NUP107: variants seen among roughly 807,000 people sequenced by gnomAD.
NUP107 encodes the protein nuclear pore complex protein Nup107.
A neutral mutation model predicts 141.0 loss-of-function variants in NUP107; 101 were observed. That is an observed-to-expected ratio of 0.72 (90% CI 0.61 to 0.84). The LOEUF is 0.84. Ranked by LOEUF, NUP107 falls within the 40% of genes least tolerant of loss-of-function variation. The probability of loss-of-function intolerance (pLI) is 0.00; values close to 1 mark genes in which losing one functional copy is unlikely to be tolerated. For missense variants in NUP107, 941 were observed against 1,102.7 expected, an observed-to-expected ratio of 0.85 and a Z score of 2.08; for synonymous variants, 319 against 363.9, an observed-to-expected ratio of 0.88 and a Z score of 1.41.
intron 25 of NUP107, 107 bp downstream of exon 25, chr12:68,734,940 A>T: frequency 8.1e-7 from 1 of 1,231,118 alleles, no homozygotes; most frequent in South Asian, 1.5e-5. Context: ...ATAACAGGTA[A>T]TCTCCCTGTT....
At chr12:68,727,047 T>G (rs1877597298) in intron 19 of NUP107, among the ~76,000 whole-genome samples, 1 of 152,112 alleles carries the variant, frequency 6.6e-6, no homozygotes, top group Non-Finnish European at 1.5e-5. Context: ...GGAGTAGGAG[T>G]CCTGAGTATA....
intron 10 of NUP107, among the ~76,000 whole-genome samples, chr12:68,711,385 CAGAA>C (rs1249917671): frequency 6.7e-6 from 1 of 150,356 alleles, no homozygotes; most frequent in Non-Finnish European, 1.5e-5. Context: ...AAAAGTAACT[CAGAA>C]GGGAGATTGT....
In NUP107 at chr12:68,741,947, T is replaced by C. The variant is rs780187698; in HGVS notation, c.2637T>C (p.Asp879=). The change falls in exon 27 of 28, where the codon GAT becomes GAC. Residue 879 remains aspartate, a synonymous_variant. Transcript: ENST00000229179. ...GQYQECLQLA[D]MVSSERHKLY... Reference sequence around the variant, plus strand: ...ATCAGGAATGCCTACAGTTAGCAGATATGGTATCCTCTGAGCGCCACAAAC... The same window carrying C: ...ATCAGGAATGCCTACAGTTAGCAGACATGGTATCCTCTGAGCGCCACAAAC... 1.2e-6 allele frequency: 2 copies of C among 1,612,100 alleles called. No homozygotes were observed. The highest frequency in any genetic ancestry group is 1.7e-6 in the Non-Finnish European group (2 of 1,178,986).
intron 5 of NUP107, among the ~76,000 whole-genome samples, chr12:68,695,911 G>A (rs974156142): frequency 2.0e-5 from 3 of 151,848 alleles, no homozygotes; most frequent in African/African-American, 7.3e-5. Context: ...GGAGGCTGAG[G>A]TGGGAGGATC....
intron 26 of NUP107, among the ~76,000 whole-genome samples, chr12:68,741,440 C>T (rs1461117893): frequency 1.3e-5 from 2 of 152,174 alleles, no homozygotes; most frequent in Admixed American, 6.5e-5. Context: ...TTCCCAGCAA[C>T]AGTCATTGCT....
chr12:68,737,531 A>C (rs1030846009), intron 26 of NUP107, among the ~76,000 whole-genome samples: 1 of 144,520 alleles, frequency 6.9e-6, no homozygotes. Context: ...ACTGCACTTC[A>C]GCCTAGGTGA....
Position 68,687,001 on chromosome 12 carries a change from G to A in NUP107, c.-65G>A. The A allele has an allele frequency of 1.2e-6, 2 of 1,610,410 alleles. No homozygotes were observed. Among genetic ancestry groups the A allele is most frequent in the Non-Finnish European group, 1.7e-6 (2 of 1,176,678 alleles). On this transcript the variant is annotated 5_prime_UTR_variant, in exon 1 of 28. Coordinates refer to ENST00000229179, the MANE Select transcript of NUP107 (RefSeq NM_020401.4). Reference sequence around the variant, plus strand: ...TCGAAGGGCTTGCTTCCGGAGAGCGGGAAGGCTAAAACGCGGTAGCTAAAC... The same window carrying A: ...TCGAAGGGCTTGCTTCCGGAGAGCGAGAAGGCTAAAACGCGGTAGCTAAAC...
In NUP107 at chr12:68,687,008, T is replaced by C; in HGVS notation, c.-58T>C. On this transcript the variant is annotated 5_prime_UTR_variant, in exon 1 of 28. Transcript: ENST00000229179. ...GCTTGCTTCCGGAGAGCGGGAAGGC[T>C]AAAACGCGGTAGCTAAACTGCAGCC... 1 of 1,613,434 alleles carries C rather than the reference T, an allele frequency of 6.2e-7. No individual in the cohort carries two copies. Among genetic ancestry groups the C allele is most frequent in the Non-Finnish European group, 8.5e-7 (1 of 1,179,338 alleles).
chr12:68,726,461 T>C (rs1338079729), intron 18 of NUP107, 38 bp from the exon 19 acceptor site: 1 of 1,302,520 alleles, frequency 7.7e-7, no homozygotes, highest in East Asian at 2.3e-5. Flanking sequence ...CTTTTGATTT[T>C]ATTCCTATTG....
rs189283435 is a variant in NUP107, at chr12:68,729,449, T to C, written c.1735-1661T>C. Among the ~76,000 whole-genome samples, 944 of 152,064 alleles carry C rather than the reference T, an allele frequency of 6.2e-3. 8 individuals carry two copies. Among genetic ancestry groups the C allele is most frequent in the Middle Eastern group, 0.024 (7 of 294 alleles). On this transcript the variant is annotated intron_variant, in intron 20 of 27. Transcript: ENST00000229179. Reference sequence around the variant, plus strand: ...ACCTTTTTTTTTATTTTTTATTTTTTTTTTTGAGATGGAGTCTCACTTTGA... The same window carrying C: ...ACCTTTTTTTTTATTTTTTATTTTTCTTTTTGAGATGGAGTCTCACTTTGA...
chr12:68,732,883 A>T, intron 23 of NUP107, 144 bp downstream of exon 23: 1 of 484,264 alleles, frequency 2.1e-6, no homozygotes, highest in Non-Finnish European at 3.7e-6. Context: ...GGGTCTCACT[A>T]TGTTGCCTAG....
intron 1 of NUP107, 152 bp downstream of exon 1, chr12:68,687,225 A>C: frequency 1.8e-6 from 2 of 1,118,562 alleles, no homozygotes; most frequent in Non-Finnish European, 2.6e-6. Context: ...ATTTGGCCAC[A>C]AATGGGGAAA....
At chr12:68,694,795 G>T (rs1215382218) in intron 5 of NUP107, among the ~76,000 whole-genome samples, 1 of 152,184 alleles carries the variant, frequency 6.6e-6, no homozygotes, top group Non-Finnish European at 1.5e-5. Flanking sequence ...CAGCTACTCG[G>T]GAGACTGAGG....
At chr12:68,704,549 G>A (rs536015487) in intron 8 of NUP107, among the ~76,000 whole-genome samples, 3 of 151,680 alleles carry the variant, frequency 2.0e-5, no homozygotes, top group South Asian at 2.1e-4. Context: ...CACCTCCCGG[G>A]TTCAAGCGAT....
intron 10 of NUP107, 112 bp downstream of exon 10, chr12:68,710,205 C>A: frequency 1.7e-6 from 1 of 585,726 alleles, no homozygotes. Context: ...GTTCACACTA[C>A]TTTGTTTGGT....
chr12:68,692,811 G>A (rs1875874970), intron 5 of NUP107, among the ~76,000 whole-genome samples: 1 of 148,738 alleles, frequency 6.7e-6, no homozygotes, highest in African/African-American at 2.5e-5. Flanking sequence ...GTGGAGTGAT[G>A]GGATCTTGGT....
rs765263375 is a variant in NUP107 at position 68,731,278 on chromosome 12, CTT to C, written c.1885+20_1885+21del. ...AGAAGCAGGTAAAAATGGTTGAAAACTTTGTCTTTTGGCCTTTCTAGGCAAAT... is the reference window on the plus strand; with the variant it reads ...AGAAGCAGGTAAAAATGGTTGAAAACTGTCTTTTGGCCTTTCTAGGCAAAT... On this transcript the variant is annotated intron_variant, in intron 21 of 27. Coordinates refer to ENST00000229179, the MANE Select transcript of NUP107 (RefSeq NM_020401.4). 9.5e-5 allele frequency: 151 copies of C among 1,585,534 alleles called. No individual in the cohort carries two copies. Among genetic ancestry groups the C allele is most frequent in the Non-Finnish European group, 1.2e-4 (140 of 1,169,700 alleles).
At chr12:68,729,380 G>T (rs1360784614) in intron 20 of NUP107, among the ~76,000 whole-genome samples, 1 of 151,970 alleles carries the variant, frequency 6.6e-6, no homozygotes, top group Non-Finnish European at 1.5e-5. Context: ...ATAGTAGTAA[G>T]TGATAAAATA....
intron 23 of NUP107, 75 bp downstream of exon 23, chr12:68,732,814 G>T (rs1278849911): frequency 5.1e-6 from 5 of 981,852 alleles, no homozygotes; most frequent in Non-Finnish European, 6.2e-6. Flanking sequence ...CAAGTAGCTG[G>T]GACTACAGGC....
Sources: gnomAD v4.1 joint callset for allele counts (sites outside exome capture counted in the v4.1 genomes callset) on GRCh38, gnomAD v4.1.1 for gene constraint, MANE v1.5 for transcripts, NCBI Gene and HGNC (gene_info 2026-07-23, HGNC 2026-07-21) for gene names.